Variants in STXBP4 observed in about 807,000 individuals in gnomAD.
STXBP4 encodes syntaxin-binding protein 4.
A neutral mutation model predicts 76.1 loss-of-function variants in STXBP4; 55 were observed. The observed-to-expected ratio is 0.72, with a 90% CI of 0.58 to 0.91. The LOEUF is 0.91. Ranked by LOEUF, STXBP4 falls within the 40% of genes least tolerant of loss-of-function variation. The pLI is 0.00. For synonymous variants in STXBP4, 201 were observed against 220.2 expected, an observed-to-expected ratio of 0.91 and a Z score of 0.77; for missense variants, 618 against 636.9, an observed-to-expected ratio of 0.97 and a Z score of 0.32.
intron 16 of STXBP4, among the ~76,000 whole-genome samples, chr17:55,107,758 C>A (rs1218741961): frequency 6.6e-6 from 1 of 152,202 alleles, no homozygotes; most frequent in Non-Finnish European, 1.5e-5. Flanking sequence ...GGCTGCAGAA[C>A]AACAAAGATT....
At chr17:55,078,536 A>T in intron 14 of STXBP4, 150 bp from the exon 15 acceptor site, 1 of 584,862 alleles carries the variant, frequency 1.7e-6, no homozygotes, top group South Asian at 2.5e-5. Flanking sequence ...GTAAAACTGC[A>T]TGTTAGTTCA....
Position 55,026,282 on chromosome 17 carries a change from G to A in STXBP4, c.667-4886G>A, listed in dbSNP as rs1203803061. 2.6e-5 allele frequency among the ~76,000 whole-genome samples: 4 copies of A among 152,136 alleles called. No homozygotes were observed. The South Asian group carries it at 6.2e-4, about 24-fold the overall frequency. ...GTGACCCTAAAAGAAGGATCCATTT[G>A]TATGGAAATGCAAAAGACCCAAAAT... is the stretch of plus-strand genomic sequence containing the variant. On this transcript the variant is annotated intron_variant, in intron 8 of 17. Coordinates refer to ENST00000376352, the MANE Select transcript of STXBP4 (RefSeq NM_178509.6).
intron 4 of STXBP4, among the ~76,000 whole-genome samples, chr17:54,998,687 A>G (rs540382384): frequency 1.3e-5 from 2 of 152,316 alleles, no homozygotes; most frequent in Non-Finnish European, 2.9e-5. Context: ...GGTAGGATCA[A>G]TATAATTAAA....
rs1325895826 is a variant in STXBP4, at chr17:55,169,913, C to T, written c.*10002C>T. 1 of 152,160 alleles carries T rather than the reference C, an allele frequency of 6.6e-6. No individual in the cohort carries two copies. Among genetic ancestry groups the T allele is most frequent in the Non-Finnish European group, 1.5e-5 (1 of 68,032 alleles). 9.4% of individuals were successfully genotyped at this position (152,160 alleles called of 1,614,324 possible). A position where few individuals can be genotyped will look rare whatever the true frequency, so the allele number is the denominator to read the frequency against. Reference sequence around the variant, plus strand: ...TGGACAATGCAAACTCCCTCATGTACCTTGCTCCTTGCCAATTTCAAACAA... The same window carrying T: ...TGGACAATGCAAACTCCCTCATGTATCTTGCTCCTTGCCAATTTCAAACAA... On this transcript the variant is annotated 3_prime_UTR_variant, in exon 18 of 18. Transcript: ENST00000376352.
At chr17:55,186,945 A>G in the STXBP4 span, among the ~76,000 whole-genome samples, 1 of 152,240 alleles carries the variant, frequency 6.6e-6, no homozygotes, top group African/African-American at 2.4e-5. Context: ...AAGACCCAAA[A>G]TAAAAAGAGC....
At chr17:55,188,865 C>T in the STXBP4 span, among the ~76,000 whole-genome samples, 1 of 152,164 alleles carries the variant, frequency 6.6e-6, no homozygotes, top group East Asian at 1.9e-4. Context: ...AGAGCTTGGG[C>T]AGAACTTGCT....
chr17:55,016,137 G>A (rs1453511761), intron 8 of STXBP4, among the ~76,000 whole-genome samples: 1 of 152,152 alleles, frequency 6.6e-6, no homozygotes, highest in Non-Finnish European at 1.5e-5. Flanking sequence ...ATTTTCCAAT[G>A]AGCATTAGTC....
intron 17 of STXBP4, among the ~76,000 whole-genome samples, chr17:55,151,539 T>C (rs763090287): frequency 1.1e-4 from 16 of 152,184 alleles, no homozygotes; most frequent in Non-Finnish European, 1.5e-5. Flanking sequence ...GCACTGGTAT[T>C]AAGCAGGTAC....
rs2077622254 is a variant in STXBP4, at chr17:54,986,028, A to ATTATT, written c.-78-113_-78-112insTATTT. ...TACATACAATACATCTAACATCTATATACAGGCTTATATTATTTATGTTCC... is the reference window on the plus strand; with the variant it reads ...TACATACAATACATCTAACATCTATATTATTTACAGGCTTATATTATTTATGTTCC... On this transcript the variant is annotated intron_variant, in intron 2 of 17. Transcript: ENST00000376352. The ATTATT allele has an allele frequency of 5.1e-6, 3 of 591,408 alleles. No homozygotes were observed. The African/African-American group carries it at 5.7e-5, about 11-fold the overall frequency. The allele number at this position is 591,408 out of a possible 1,614,324, so 36.6% of individuals were successfully genotyped here.
chr17:55,107,308 C>A (rs1463487046), intron 16 of STXBP4, among the ~76,000 whole-genome samples: 13 of 152,146 alleles, frequency 8.5e-5, no homozygotes, highest in Non-Finnish European at 1.5e-5. Context: ...GTTCTTCTCT[C>A]AACTGGTTAT....
intron 16 of STXBP4, among the ~76,000 whole-genome samples, chr17:55,088,087 A>G (rs1384122159): frequency 1.3e-5 from 2 of 152,220 alleles, no homozygotes; most frequent in South Asian, 2.1e-4. Context: ...TACTTTTTAT[A>G]AATTTGTATG....
At chr17:55,023,557 T>G (rs1598219890) in intron 8 of STXBP4, among the ~76,000 whole-genome samples, 1 of 152,228 alleles carries the variant, frequency 6.6e-6, no homozygotes, top group East Asian at 1.9e-4. Flanking sequence ...GGTGTTGTTT[T>G]GGCACTCAAA....
intron 16 of STXBP4, among the ~76,000 whole-genome samples, chr17:55,117,972 T>C (rs915240483): frequency 2.0e-5 from 3 of 151,970 alleles, no homozygotes; most frequent in Admixed American, 2.0e-4. Context: ...TTTGAAAGCT[T>C]ACTGATGTAA....
chr17:54,970,489 C>T (rs1049233413), intron 1 of STXBP4, among the ~76,000 whole-genome samples: 6 of 152,302 alleles, frequency 3.9e-5, no homozygotes, highest in Admixed American at 1.3e-4. Flanking sequence ...CTTCTGACTT[C>T]TTTCTATACT....
At chr17:54,992,131 G>C (rs1380504571) in intron 4 of STXBP4, among the ~76,000 whole-genome samples, 1 of 152,058 alleles carries the variant, frequency 6.6e-6, no homozygotes, top group Non-Finnish European at 1.5e-5. Context: ...AAGTGTTATA[G>C]AGGCCAGGCA....
Position 55,168,276 on chromosome 17 carries a change from G to A in STXBP4, c.*8365G>A, listed in dbSNP as rs1226433221. ...CACACACACACACACACGTATTGGA[G>A]GAATAAGAAATATTTAATAAAATCT... On this transcript the variant is annotated 3_prime_UTR_variant, in exon 18 of 18. Transcript: ENST00000376352. 6.7e-6 allele frequency: 1 copy of A among 150,328 alleles called. No individual in the cohort carries two copies. Among genetic ancestry groups the A allele is most frequent in the African/African-American group, 2.5e-5 (1 of 40,748 alleles). The allele number at this position is 150,328 out of a possible 1,614,324, so 9.3% of individuals were successfully genotyped here. A position where few individuals can be genotyped will look rare whatever the true frequency, so the allele number is the denominator to read the frequency against.
chr17:55,192,310 C>T, the STXBP4 span, among the ~76,000 whole-genome samples: 2 of 152,104 alleles, frequency 1.3e-5, no homozygotes, highest in Non-Finnish European at 2.9e-5. Context: ...ATCCTGGAAC[C>T]ACAGCAGACC....
intron 10 of STXBP4, among the ~76,000 whole-genome samples, chr17:55,041,805 G>T (rs2078702967): frequency 6.6e-6 from 1 of 152,178 alleles, no homozygotes; most frequent in East Asian, 1.9e-4. Flanking sequence ...AGGAAATAAG[G>T]TTAATTTTTT....
At chr17:54,999,313 A>G (rs765173981) in intron 4 of STXBP4, 32 bp from the exon 5 acceptor site, 2 of 1,526,236 alleles carry the variant, frequency 1.3e-6, no homozygotes, top group Non-Finnish European at 1.8e-6. Context: ...ATACCTCATT[A>G]GTTCCTTTAT....
Sources: gnomAD v4.1 joint callset for allele counts (sites outside exome capture counted in the v4.1 genomes callset) on GRCh38, gnomAD v4.1.1 for gene constraint, MANE v1.5 for transcripts, NCBI Gene and HGNC (gene_info 2026-07-23, HGNC 2026-07-21) for gene names.